NUGGC: variants seen among roughly 807,000 people sequenced by gnomAD.
NUGGC encodes the protein nuclear GTPase, germinal center associated.
NUGGC carries 58 observed loss-of-function variants against 92.6 expected under a neutral mutation model. That is an observed-to-expected ratio of 0.63 (90% CI 0.51 to 0.78). The LOEUF (loss-of-function observed/expected upper bound fraction) is 0.78. NUGGC is among the 30% of genes least tolerant of loss of function. The pLI is 0.00. For synonymous variants in NUGGC, 376 were observed against 366.4 expected (o/e 1.03, Z -0.30); for missense variants, 925 against 964.6 (o/e 0.96, Z 0.54).
At chr8:28,024,869 T>C (rs1167112877) in intron 18 of NUGGC, among the ~76,000 whole-genome samples, 1 of 152,232 alleles carries the variant, frequency 6.6e-6, no homozygotes, top group African/African-American at 2.4e-5. Context: ...ACTCTGTCTC[T>C]GAACTTCAAG....
intron 9 of NUGGC, among the ~76,000 whole-genome samples, 169 bp downstream of exon 9, chr8:28,058,089 G>A (rs1585584434): frequency 6.6e-6 from 1 of 152,070 alleles, no homozygotes; most frequent in East Asian, 1.9e-4. Flanking sequence ...CTACTCTGGA[G>A]GCTGAATTAG....
chr8:28,024,865 T>C (rs995705754), intron 18 of NUGGC, among the ~76,000 whole-genome samples: 6 of 152,198 alleles, frequency 3.9e-5, no homozygotes, highest in Admixed American at 2.0e-4. Flanking sequence ...AACCACTCTG[T>C]CTCTGAACTT....
chr8:28,032,224 C>A (rs570231928), intron 14 of NUGGC, among the ~76,000 whole-genome samples: 3 of 151,774 alleles, frequency 2.0e-5, no homozygotes, highest in Middle Eastern at 3.4e-3. Context: ...GGGGTGCAAT[C>A]GATGGAATGG....
At chr8:28,055,611 T>C (rs1051466232) in intron 10 of NUGGC, among the ~76,000 whole-genome samples, 4 of 152,220 alleles carry the variant, frequency 2.6e-5, no homozygotes, top group Non-Finnish European at 4.4e-5. Context: ...GGCAGGTGGA[T>C]CACTTGAGCC....
At chr8:28,047,133 G>A (rs1356792451) in intron 11 of NUGGC, among the ~76,000 whole-genome samples, 2 of 151,920 alleles carry the variant, frequency 1.3e-5, no homozygotes, top group Non-Finnish European at 2.9e-5. Flanking sequence ...ACCACGCCTG[G>A]CAAATTTTGT....
At chr8:28,026,872 A>G in intron 18 of NUGGC, 90 bp downstream of exon 18, 2 of 882,594 alleles carry the variant, frequency 2.3e-6, no homozygotes, top group Non-Finnish European at 3.8e-6. Context: ...CCTAAAATTT[A>G]AAGTTTAATA....
intron 1 of NUGGC, among the ~76,000 whole-genome samples, chr8:28,075,413 G>A (rs1433621564): frequency 6.6e-6 from 1 of 152,176 alleles, no homozygotes; most frequent in Non-Finnish European, 1.5e-5. Flanking sequence ...GGGAGAACTG[G>A]ACCCGTGGAG....
In NUGGC at chr8:28,029,374, C is replaced by T. The variant is rs377371556; in HGVS notation, c.2046G>A (p.Ala682=). The change falls in exon 17 of 19, where the codon GCG becomes GCA. Residue 682 remains alanine, a synonymous_variant. Coordinates refer to ENST00000413272, the MANE Select transcript of NUGGC (RefSeq NM_001010906.2). ...EEAAQITGKK[A]CERMKDAIRR... ...TGATGGCATCTTTCATCCGCTCACA[C>T]GCTTTTTTGCCCGTGATCTGAGCTG... is the stretch of plus-strand genomic sequence containing the variant. 84 of 1,612,634 alleles carry T rather than the reference C, an allele frequency of 5.2e-5. No homozygotes were observed. The highest frequency in any genetic ancestry group is 3.3e-4 in the Middle Eastern group (2 of 6,058).
chr8:28,057,449 G>A (rs971114520), intron 9 of NUGGC, among the ~76,000 whole-genome samples: 4 of 149,844 alleles, frequency 2.7e-5, no homozygotes, highest in African/African-American at 7.4e-5. Flanking sequence ...TCAAGTGACT[G>A]TCCTGCTTCA....
intron 13 of NUGGC, among the ~76,000 whole-genome samples, chr8:28,040,399 T>A (rs1809662105): frequency 6.6e-6 from 1 of 152,190 alleles, no homozygotes; most frequent in Non-Finnish European, 1.5e-5. Flanking sequence ...GCATTGAGCA[T>A]CCTCATTTTA....
In NUGGC at chr8:28,026,979, A is replaced by G; in HGVS notation, c.2228T>C (p.Leu743Pro). ...GTATTTACCTGCAAGCTCCTTGTAG[A>G]GGCCATCCCCCTGGGACGAAGCAAG... ...LALASSQGDG[L>P]YKELADVGSE... Residue 743 changes from leucine (L) to proline (P), a missense_variant, in exon 18 of 19, where the codon CTC becomes CCC. Transcript: ENST00000413272. 6.2e-7 allele frequency: 1 copy of G among 1,613,094 alleles called. No individual in the cohort carries two copies. The highest frequency in any genetic ancestry group is 8.5e-7 in the Non-Finnish European group (1 of 1,179,042).
chr8:28,058,053 A>G (rs1187050048), intron 9 of NUGGC, among the ~76,000 whole-genome samples: 1 of 152,038 alleles, frequency 6.6e-6, no homozygotes, highest in Non-Finnish European at 1.5e-5. Context: ...TTAGCCAGGC[A>G]TGATGGTGGG....
At chr8:28,046,434 C>A (rs1542315) in intron 11 of NUGGC, among the ~76,000 whole-genome samples, 2 of 152,260 alleles carry the variant, frequency 1.3e-5, no homozygotes, top group Admixed American at 6.5e-5. Flanking sequence ...GAGTATCTAG[C>A]GCACGCAGAG....
intron 6 of NUGGC, among the ~76,000 whole-genome samples, chr8:28,065,411 C>T (rs1216273077): frequency 1.3e-5 from 2 of 152,238 alleles, no homozygotes; most frequent in East Asian, 1.9e-4. Context: ...CCGCCCTCCT[C>T]AGCCTCCCAA....
At chr8:28,082,725 T>G (rs527712475) in intron 1 of NUGGC, among the ~76,000 whole-genome samples, 5 of 152,200 alleles carry the variant, frequency 3.3e-5, no homozygotes, top group Middle Eastern at 3.4e-3. Context: ...GGCAACAAAG[T>G]GAGACCCTCA....
At chr8:28,077,614 G>A (rs1276471588) in intron 1 of NUGGC, among the ~76,000 whole-genome samples, 1 of 152,044 alleles carries the variant, frequency 6.6e-6, no homozygotes, top group Admixed American at 6.6e-5. Context: ...CTAGGAAAAA[G>A]ATCTGTTGTT....
chr8:28,050,605 G>A (rs1472483966), intron 10 of NUGGC, among the ~76,000 whole-genome samples: 1 of 152,090 alleles, frequency 6.6e-6, no homozygotes, highest in Non-Finnish European at 1.5e-5. Context: ...GAGGTCAGGA[G>A]TTCGAGACCA....
chr8:28,048,572 TGAAACATTAGTCTG>T (rs1213451042), intron 10 of NUGGC, among the ~76,000 whole-genome samples: 3 of 152,070 alleles, frequency 2.0e-5, no homozygotes, highest in African/African-American at 7.2e-5. Context: ...AGACTAATGT[TGAAACATTAGTCTG>T]GGTGCGGTGG....
intron 13 of NUGGC, among the ~76,000 whole-genome samples, chr8:28,034,601 AGGTCAGGAGTTCAAGACCATCCT>A (rs1433410037): frequency 3.9e-5 from 6 of 152,160 alleles, no homozygotes; most frequent in Admixed American, 3.9e-4. Flanking sequence ...GGATCATCTG[AGGTCAGGAGTTCAAGACCATCCT>A]GGCCAACATG....
Sources: gnomAD v4.1 joint callset for allele counts (sites outside exome capture counted in the v4.1 genomes callset) on GRCh38, gnomAD v4.1.1 for gene constraint, MANE v1.5 for transcripts, NCBI Gene and HGNC (gene_info 2026-07-23, HGNC 2026-07-21) for gene names.